Variants in ATRN observed in about 807,000 individuals in gnomAD.
ATRN encodes attractin.
ATRN carries 54 observed loss-of-function variants against 178.7 expected under a neutral mutation model. The observed-to-expected ratio is 0.30, with a 90% CI of 0.24 to 0.38. ATRN has a LOEUF of 0.38. Ranked by LOEUF, ATRN falls within the 10% of genes least tolerant of loss-of-function variation. The pLI is 1.00. For synonymous variants in ATRN, 636 were observed against 663.0 expected (o/e 0.96, Z 0.63); for missense variants, 1,443 against 1,815.1 (o/e 0.79, Z 3.73).
intron 1 of ATRN, among the ~76,000 whole-genome samples, chr20:3,532,924 A>G (rs2085474337): frequency 1.3e-5 from 2 of 152,044 alleles, no homozygotes; most frequent in East Asian, 1.9e-4. Flanking sequence ...CACCACGCCC[A>G]GCTAATTTTT....
chr20:3,584,948 G>A (rs534553790), intron 18 of ATRN, 68 bp downstream of exon 18: 2 of 1,459,974 alleles, frequency 1.4e-6, no homozygotes, highest in East Asian at 2.3e-5. Flanking sequence ...AACCTTGAAA[G>A]CTACGTTGTG....
Position 3,573,032 on chromosome 20 carries a change from T to C in ATRN, c.2092+81T>C. On this transcript the variant is annotated intron_variant, in intron 12 of 28. Transcript: ENST00000262919. ...GAATTGTGAAGGAACTTAGCATATG[T>C]ATACTTTTTATGTTTACCTTATCCA... 6 of 1,228,296 alleles carry C rather than the reference T, an allele frequency of 4.9e-6. No homozygotes were observed. In the South Asian group the frequency reaches 6.9e-5, roughly 14 times the overall value. 76.1% of individuals were successfully genotyped at this position (1,228,296 alleles called of 1,614,324 possible). A position where few individuals can be genotyped will look rare whatever the true frequency, so the allele number is the denominator to read the frequency against.
intron 1 of ATRN, among the ~76,000 whole-genome samples, chr20:3,507,063 T>G (rs1157238202): frequency 6.6e-6 from 1 of 151,814 alleles, no homozygotes; most frequent in Non-Finnish European, 1.5e-5. Context: ...GTTTTTTTTT[T>G]TTTAATGGCA....
At chr20:3,530,447 T>C (rs887707669) in intron 1 of ATRN, among the ~76,000 whole-genome samples, 5 of 149,716 alleles carry the variant, frequency 3.3e-5, no homozygotes, top group East Asian at 3.9e-4. Flanking sequence ...TTTCTTTTTT[T>C]TTTTTGTATT....
chr20:3,499,922 T>C (rs2084932992), intron 1 of ATRN, among the ~76,000 whole-genome samples: 1 of 151,104 alleles, frequency 6.6e-6, no homozygotes, highest in African/African-American at 2.4e-5. Context: ...AGAAAATTTT[T>C]GCAACCTACT....
intron 3 of ATRN, among the ~76,000 whole-genome samples, chr20:3,545,364 C>CAAAAAAAAAAAAA (rs1332216289): frequency 1.2e-5 from 1 of 86,344 alleles, no homozygotes; most frequent in Non-Finnish European, 2.2e-5. Context: ...AACTCTGTCT[C>CAAAAAAAAAAAAA]AAAAAAAAAA....
intron 17 of ATRN, 112 bp downstream of exon 17, chr20:3,584,195 T>C: frequency 8.4e-7 from 1 of 1,194,092 alleles, no homozygotes; most frequent in Non-Finnish European, 1.2e-6. Flanking sequence ...AGACTGGACA[T>C]GACCTCTGCT....
intron 18 of ATRN, among the ~76,000 whole-genome samples, chr20:3,588,140 G>A (rs750228747): frequency 2.6e-4 from 39 of 152,124 alleles, no homozygotes; most frequent in Admixed American, 7.9e-4. Context: ...GAGCCACCAC[G>A]CCTGGCCCTT....
chr20:3,472,781 T>C (rs906753505), intron 1 of ATRN, among the ~76,000 whole-genome samples: 1 of 152,072 alleles, frequency 6.6e-6, no homozygotes, highest in Non-Finnish European at 1.5e-5. Context: ...GATTTGAGCA[T>C]GTAAGGTTAA....
chr20:3,575,768 G>T, intron 12 of ATRN, 59 bp from the exon 13 acceptor site: 9 of 1,512,772 alleles, frequency 5.9e-6, no homozygotes, highest in Admixed American at 4.3e-5. Flanking sequence ...TTTAACTTCG[G>T]TCTCAGATTT....
At chr20:3,474,456 C>T (rs992806263) in intron 1 of ATRN, among the ~76,000 whole-genome samples, 2 of 152,126 alleles carry the variant, frequency 1.3e-5, no homozygotes, top group African/African-American at 4.8e-5. Flanking sequence ...CACCTGTAAT[C>T]CCAGCACTTT....
intron 6 of ATRN, among the ~76,000 whole-genome samples, chr20:3,551,726 G>A (rs991878515): frequency 4.0e-5 from 6 of 151,720 alleles, no homozygotes; most frequent in Admixed American, 3.9e-4. Flanking sequence ...CTTTCCTTCT[G>A]TTTTCATTCT....
At chr20:3,565,123 C>G (rs905005325) in intron 10 of ATRN, among the ~76,000 whole-genome samples, 1 of 152,088 alleles carries the variant, frequency 6.6e-6, no homozygotes, top group Non-Finnish European at 1.5e-5. Flanking sequence ...TCATGGATTT[C>G]GGGTGCGTTT....
intron 11 of ATRN, among the ~76,000 whole-genome samples, chr20:3,566,426 A>T (rs1471319600): frequency 1.3e-5 from 2 of 152,148 alleles, no homozygotes; most frequent in Non-Finnish European, 2.9e-5. Context: ...TCACATTATT[A>T]ATTTTTCTCA....
chr20:3,501,099 G>A (rs577497714), intron 1 of ATRN, among the ~76,000 whole-genome samples: 1 of 152,160 alleles, frequency 6.6e-6, no homozygotes, highest in African/African-American at 2.4e-5. Context: ...TTTAGTAATC[G>A]TATAACTGGT....
At chr20:3,569,421 C>T (rs2086084625) in intron 11 of ATRN, among the ~76,000 whole-genome samples, 3 of 151,928 alleles carry the variant, frequency 2.0e-5, no homozygotes, top group Admixed American at 2.0e-4. Context: ...AGAGAAGGTA[C>T]AGTAAAAATG....
At chr20:3,481,791 CTTTTT>C (rs780144563) in intron 1 of ATRN, among the ~76,000 whole-genome samples, 5 of 100,520 alleles carry the variant, frequency 5.0e-5, no homozygotes, top group Admixed American at 9.9e-5. Context: ...GGTGAATTTC[CTTTTT>C]TTTTTTTTTT....
chr20:3,502,626 A>C (rs557205771), intron 1 of ATRN, among the ~76,000 whole-genome samples: 1 of 152,184 alleles, frequency 6.6e-6, no homozygotes, highest in Non-Finnish European at 1.5e-5. Flanking sequence ...TCTTAACCCT[A>C]TAAGTGGTGA....
chr20:3,648,547 C>T lies in ATRN; in HGVS notation c.*1700C>T, dbSNP rs1050037955. 9.2e-5 allele frequency: 14 copies of T among 152,524 alleles called. No individual in the cohort carries two copies. The highest frequency in any genetic ancestry group is 3.1e-4 in the African/African-American group (13 of 41,422). 9.4% of individuals were successfully genotyped at this position (152,524 alleles called of 1,614,324 possible). ...AAGAGCTAAAACTGCAGCATTTTAC[C>T]TTTAAATGCAGTGCCTAGAGAGAGA... On this transcript the variant is annotated 3_prime_UTR_variant, in exon 29 of 29. Transcript: ENST00000262919.
Sources: allele counts gnomAD v4.1 joint callset (sites outside exome capture counted in the v4.1 genomes callset), GRCh38; gene constraint gnomAD v4.1.1; transcripts MANE v1.5; gene names NCBI Gene and HGNC (gene_info 2026-07-23, HGNC 2026-07-21).